GSE1: variants seen among roughly 807,000 people sequenced by gnomAD.
GSE1 encodes Gse1 coiled-coil protein.
Under a neutral mutation model 112.6 loss-of-function variants are expected in GSE1, and 32 were observed. That is an observed-to-expected ratio of 0.28 (90% confidence interval 0.21 to 0.38). The LOEUF (loss-of-function observed/expected upper bound fraction) is 0.38. Ranked by LOEUF, GSE1 falls within the 10% of genes least tolerant of loss-of-function variation. The pLI, the probability that GSE1 is intolerant of heterozygous loss-of-function variation, is 1.00. For missense variants in GSE1, 2,348 were observed against 1,699.2 expected, an observed-to-expected ratio of 1.38 and a Z score of -6.71; for synonymous variants, 1,115 against 735.6, an observed-to-expected ratio of 1.52 and a Z score of -8.35.
upstream of GSE1, among the ~76,000 whole-genome samples, chr16:85,607,332 C>T (rs772445818): frequency 6.6e-5 from 10 of 152,318 alleles, no homozygotes; most frequent in South Asian, 2.1e-4. Context: ...CCAGCAGCCC[C>T]GACGCACACG....
intron 1 of GSE1, among the ~76,000 whole-genome samples, chr16:85,347,775 C>T (rs911373128): frequency 2.1e-4 from 27 of 126,726 alleles, no homozygotes; most frequent in African/African-American, 6.8e-4. Flanking sequence ...TGGCTGCGGG[C>T]ATTGCAAAAG....
rs754531704 is a variant in GSE1 at position 85,665,066 on chromosome 16, C to T, written c.2696C>T (p.Ser899Leu). ...CGTGCCATGAAGCAGAAGGCACTGT[C>T]AGCAGCAGTGGCCGACTCCTTGACA... ...MLRAMKQKALSAAVADSLTNS... is the reference protein window; with the variant it reads ...MLRAMKQKALLAAVADSLTNS... The change falls in exon 12 of 16, where the codon TCA becomes TTA. Residue 899 changes from serine (S) to leucine (L), a missense_variant. Transcript: ENST00000253458. 1 of 1,613,064 alleles carries T rather than the reference C, an allele frequency of 6.2e-7. No individual in the cohort carries two copies. Among genetic ancestry groups the T allele is most frequent in the Non-Finnish European group, 8.5e-7 (1 of 1,179,234 alleles).
In GSE1 at chr16:85,676,079, T is replaced by C. The variant is rs2053658642; in HGVS notation, c.*3540T>C. On this transcript the variant is annotated 3_prime_UTR_variant, in exon 16 of 16. Transcript: ENST00000253458. ...AGATGCTGTGAAATTAAACCTGTTC[T>C]AAGTGTACTTGTTTGAATTAATTGT... The C allele has an allele frequency of 6.5e-6, 1 of 152,680 alleles. No homozygotes were observed. Among genetic ancestry groups the C allele is most frequent in the Non-Finnish European group, 1.5e-5 (1 of 68,040 alleles). The allele number at this position is 152,680 out of a possible 1,614,324, so 9.5% of individuals were successfully genotyped here. A position where few individuals can be genotyped will look rare whatever the true frequency, so the allele number is the denominator to read the frequency against.
intron 1 of GSE1, among the ~76,000 whole-genome samples, chr16:85,626,289 G>A (rs1193231919): frequency 6.6e-6 from 1 of 152,200 alleles, no homozygotes; most frequent in Non-Finnish European, 1.5e-5. Context: ...GGGCAGATAT[G>A]ATAATGAATT....
chr16:85,395,904 C>T (rs547462913), intron 2 of GSE1, among the ~76,000 whole-genome samples: 3 of 151,272 alleles, frequency 2.0e-5, no homozygotes, highest in Admixed American at 6.6e-5. Context: ...AGAAGGGCTG[C>T]GTGAGGAGTC....
At chr16:85,223,574 C>G (rs1018118280) in intron 1 of GSE1, among the ~76,000 whole-genome samples, 3 of 151,936 alleles carry the variant, frequency 2.0e-5, no homozygotes, top group African/African-American at 7.3e-5. Context: ...ATAAAATTTG[C>G]CACTGTAACC....
intron 2 of GSE1, among the ~76,000 whole-genome samples, chr16:85,450,610 A>G (rs1256309972): frequency 8.0e-5 from 12 of 150,506 alleles, no homozygotes; most frequent in Non-Finnish European, 1.3e-4. Flanking sequence ...TACCATGCCC[A>G]GCTACTTTTT....
intron 2 of GSE1, among the ~76,000 whole-genome samples, chr16:85,382,202 G>T (rs998628211): frequency 6.6e-6 from 1 of 152,048 alleles, no homozygotes; most frequent in Admixed American, 6.5e-5. Flanking sequence ...GGCGGCCCTC[G>T]ATGGCTCATC....
intron 2 of GSE1, among the ~76,000 whole-genome samples, chr16:85,385,141 G>A (rs748460275): frequency 7.2e-5 from 11 of 152,248 alleles, no homozygotes; most frequent in Admixed American, 1.3e-4. Context: ...ACCCTGGGCC[G>A]AGCCACATGG....
chr16:85,645,927 G>GCTTCTACCACGCATTCTA, intron 2 of GSE1, among the ~76,000 whole-genome samples: 1 of 136,534 alleles, frequency 7.3e-6, no homozygotes, highest in African/African-American at 2.8e-5. Flanking sequence ...CATGCATTCT[G>GCTTCTACCACGCATTCTA]CCTGCTTCTA....
intron 1 of GSE1, among the ~76,000 whole-genome samples, chr16:85,225,866 C>T (rs929583682): frequency 6.6e-6 from 1 of 152,168 alleles, no homozygotes; most frequent in South Asian, 2.1e-4. Flanking sequence ...GCTGGCTGCT[C>T]CCACACAAGG....
chr16:85,533,525 A>G (rs1555528670), intron 2 of GSE1, among the ~76,000 whole-genome samples: 2 of 152,130 alleles, frequency 1.3e-5, no homozygotes, highest in African/African-American at 2.4e-5. Context: ...ATAAATATGC[A>G]TATGTTGGAA....
intron 2 of GSE1, among the ~76,000 whole-genome samples, chr16:85,503,195 G>T (rs985013115): frequency 1.3e-5 from 2 of 152,254 alleles, no homozygotes; most frequent in Non-Finnish European, 2.9e-5. Context: ...ACGGGATTAA[G>T]TGAGACGCTG....
chr16:85,216,444 C>T (rs1303671210), intron 1 of GSE1, among the ~76,000 whole-genome samples: 1 of 152,178 alleles, frequency 6.6e-6, no homozygotes, highest in East Asian at 1.9e-4. Context: ...CTCTCTATTA[C>T]CATATCTAAT....
chr16:85,671,637 C>T (rs1271599465), intron 15 of GSE1, among the ~76,000 whole-genome samples: 1 of 152,018 alleles, frequency 6.6e-6, no homozygotes, highest in African/African-American at 2.4e-5. Context: ...ATTCAGACAC[C>T]AGTTGATTAT....
chr16:85,465,145 C>T (rs75510579), intron 2 of GSE1, among the ~76,000 whole-genome samples: 2 of 152,364 alleles, frequency 1.3e-5, no homozygotes, highest in African/African-American at 2.4e-5. Context: ...CCGGTCACTC[C>T]GATATCCAGG....
intron 1 of GSE1, among the ~76,000 whole-genome samples, chr16:85,246,457 A>AC (rs1905808624): frequency 1.3e-5 from 1 of 79,684 alleles, no homozygotes; most frequent in East Asian, 4.4e-4. Flanking sequence ...ACACACACAC[A>AC]CACCCCACAC....
At chr16:85,169,787 C>T in exon 1 of GSE1, 1 of 984,174 alleles carries the variant, frequency 1.0e-6, no homozygotes, top group Non-Finnish European at 1.2e-6. Flanking sequence ...TTGGTGTGCG[C>T]CGTGTGCCGC....
Position 85,668,357 on chromosome 16 carries a change from G to T in GSE1, c.3348G>T (p.Glu1116Asp). ...EEDDEDGEDE[E>D]EVPKRKWQGI... ...ATGATGAAGATGGAGAAGATGAGGAGGAAGTCCCCAAGCGCAAGTGGCAAG... is the reference window on the plus strand; with the variant it reads ...ATGATGAAGATGGAGAAGATGAGGATGAAGTCCCCAAGCGCAAGTGGCAAG... The change falls in exon 14 of 16, where the codon GAG becomes GAT. Residue 1116 changes from glutamate (E) to aspartate (D), a missense_variant. Physicochemically the swap from Glu to Asp is conservative, Grantham distance 45 (BLOSUM62 2). Coordinates refer to ENST00000253458, the MANE Select transcript of GSE1 (RefSeq NM_014615.5). 6.2e-7 allele frequency: 1 copy of T among 1,613,028 alleles called. No individual in the cohort carries two copies. Among genetic ancestry groups the T allele is most frequent in the South Asian group, 1.1e-5 (1 of 91,048 alleles).
Sources: allele counts gnomAD v4.1 joint callset (sites outside exome capture counted in the v4.1 genomes callset), GRCh38; gene constraint gnomAD v4.1.1; transcripts MANE v1.5; gene names NCBI Gene and HGNC (gene_info 2026-07-23, HGNC 2026-07-21).